Variants in RC3H1 observed in about 807,000 individuals in gnomAD.
RC3H1 encodes roquin-1.
RC3H1 carries 50 observed loss-of-function variants against 138.2 expected under a neutral mutation model. That is an observed-to-expected ratio of 0.36 (90% CI 0.29 to 0.46). RC3H1 has a LOEUF of 0.46. Ranked by LOEUF, RC3H1 falls within the 20% of genes least tolerant of loss-of-function variation. The probability of loss-of-function intolerance (pLI) is 1.00; values close to 1 mark genes in which losing one functional copy is unlikely to be tolerated. For missense variants in RC3H1, 1,031 were observed against 1,388.1 expected, an observed-to-expected ratio of 0.74 and a Z score of 4.09; for synonymous variants, 462 against 489.1, an observed-to-expected ratio of 0.94 and a Z score of 0.73.
chr1:173,977,065 GGC>G (rs1660617584), intron 7 of RC3H1, among the ~76,000 whole-genome samples: 1 of 152,056 alleles, frequency 6.6e-6, no homozygotes, highest in African/African-American at 2.4e-5. Flanking sequence ...TGGGACTACA[GGC>G]GCCCGCCACC....
intron 1 of RC3H1, among the ~76,000 whole-genome samples, chr1:174,013,735 A>C (rs1049063939): frequency 4.6e-5 from 7 of 151,778 alleles, no homozygotes; most frequent in African/African-American, 1.7e-4. Context: ...GCTCAGCCAC[A>C]ATGGAATATT....
At chr1:173,994,022 GAAA>G (rs372280833) in intron 1 of RC3H1, among the ~76,000 whole-genome samples, 68 of 46,954 alleles carry the variant, frequency 1.4e-3, no homozygotes, top group African/African-American at 4.9e-3. Flanking sequence ...CTCCATCTCA[GAAA>G]AAAAAAAAAA....
rs1371557246 is a variant in RC3H1 at position 173,964,877 on chromosome 1, A to C, written c.1578T>G (p.Asp526Glu). The stretch of plus-strand genomic sequence containing the variant: ...ATCCAGGAGCACTACTGCTCAGATG[A>C]TCTATTTTTCCTGGTTTCAGACTAG... Reference protein sequence around the residue: ...YDSSLKPGKIDHLSSSAPGSP... With the variant: ...YDSSLKPGKIEHLSSSAPGSP... The change falls in exon 10 of 20, where the codon GAT (aspartate) becomes GAG (glutamate). Residue 526 changes from aspartate to glutamate, a missense_variant. Asp to Glu is a conservative substitution (Grantham distance 45). Transcript: ENST00000367696. The C allele has an allele frequency of 6.2e-7, 1 of 1,614,004 alleles. No homozygotes were observed. Among genetic ancestry groups the C allele is most frequent in the African/African-American group, 1.3e-5 (1 of 74,918 alleles).
Position 173,941,253 on chromosome 1 carries a change from C to T in RC3H1, c.3251+12G>A, listed in dbSNP as rs779971267. ...TAATTTAATATGGCTACGACAATCT[C>T]CTTTTCTTTACCTGAATGTCAATGT... On this transcript the variant is annotated intron_variant, in intron 19 of 19. Transcript: ENST00000367696. 4 of 1,529,826 alleles carry T rather than the reference C, an allele frequency of 2.6e-6. No homozygotes were observed. In the Admixed American group the frequency reaches 5.0e-5, roughly 19 times the overall value. The allele number at this position is 1,529,826 out of a possible 1,614,324, so 94.8% of individuals were successfully genotyped here. A position where few individuals can be genotyped will look rare whatever the true frequency, so the allele number is the denominator to read the frequency against.
intron 18 of RC3H1, 119 bp downstream of exon 18, chr1:173,943,323 T>C: frequency 1.1e-6 from 1 of 909,394 alleles, no homozygotes; most frequent in African/African-American, 1.7e-5. Flanking sequence ...AGAATTATTT[T>C]AAATATTAAC....
In RC3H1 at chr1:173,981,778, A is replaced by T. The variant is rs1400551516; in HGVS notation, c.769-769T>A. On this transcript the variant is annotated intron_variant, in intron 5 of 19. Transcript: ENST00000367696. ...TGTGAGATGCTAGACTAGAATAATCATAATGATTATGATTAGAAGGCTGGA... is the reference window on the plus strand; with the variant it reads ...TGTGAGATGCTAGACTAGAATAATCTTAATGATTATGATTAGAAGGCTGGA... Among the ~76,000 whole-genome samples, 4 of 152,154 alleles carry T rather than the reference A, an allele frequency of 2.6e-5. No individual in the cohort carries two copies. The East Asian group carries it at 5.8e-4, about 22-fold the overall frequency.
chr1:174,000,921 C>T (rs780024973), intron 1 of RC3H1, among the ~76,000 whole-genome samples: 1 of 151,966 alleles, frequency 6.6e-6, no homozygotes, highest in Non-Finnish European at 1.5e-5. Flanking sequence ...GAACAAAGAC[C>T]CAGTTTTGAT....
intron 4 of RC3H1, 96 bp from the exon 5 acceptor site, chr1:173,982,998 T>G: frequency 9.0e-7 from 1 of 1,116,480 alleles, no homozygotes. Flanking sequence ...CTGCAGCTAT[T>G]CAATTAACTG....
chr1:174,010,314 T>G (rs988275488), intron 1 of RC3H1, among the ~76,000 whole-genome samples: 2 of 151,968 alleles, frequency 1.3e-5, no homozygotes, highest in African/African-American at 4.9e-5. Flanking sequence ...GAGCATCTAC[T>G]ACGTGCCAGT....
intron 9 of RC3H1, among the ~76,000 whole-genome samples, chr1:173,965,933 G>A (rs1660098346): frequency 6.6e-6 from 1 of 152,174 alleles, no homozygotes; most frequent in Non-Finnish European, 1.5e-5. Context: ...TTGAGCTCAG[G>A]AGTTTGAGAC....
chr1:173,946,411 G>A, intron 17 of RC3H1, 65 bp downstream of exon 17: 2 of 1,499,128 alleles, frequency 1.3e-6, no homozygotes, highest in South Asian at 1.3e-5. Flanking sequence ...TGCCTCAAAA[G>A]TTCCTATTTA....
intron 2 of RC3H1, among the ~76,000 whole-genome samples, chr1:173,986,998 A>T (rs943704498): frequency 1.3e-5 from 2 of 152,006 alleles, no homozygotes; most frequent in African/African-American, 4.8e-5. Context: ...AGGATCTGTC[A>T]TTTTTCTCAT....
At chr1:173,992,647 C>G in intron 2 of RC3H1, 108 bp downstream of exon 2, 1 of 797,018 alleles carries the variant, frequency 1.3e-6, no homozygotes, top group South Asian at 1.8e-5. Context: ...CAACAGGTTT[C>G]TCTCAGGAGA....
chr1:173,942,660 G>A (rs1314206098), intron 18 of RC3H1, among the ~76,000 whole-genome samples: 1 of 151,384 alleles, frequency 6.6e-6, no homozygotes, highest in Non-Finnish European at 1.5e-5. Flanking sequence ...GTGAAACCCC[G>A]TCTCTACTAA....
chr1:173,982,894 C>T lies in RC3H1; in HGVS notation c.601G>A (p.Glu201Lys). Residue 201 changes from glutamate to lysine, a missense_variant, in exon 5 of 20, where the codon GAG (glutamate) becomes AAG (lysine). Transcript: ENST00000367696. ...GCQFLGPAMQ[E>K]EALKLVLLAL... ...AGCAGAACCAACTTTAAAGCTTCCT[C>T]CTGCATTGCTAGGGAAAGTTGGGCA... 6.2e-7 allele frequency: 1 copy of T among 1,605,774 alleles called. No individual in the cohort carries two copies. The highest frequency in any genetic ancestry group is 2.2e-5 in the East Asian group (1 of 44,546).
chr1:173,963,918 G>T, intron 11 of RC3H1, 55 bp downstream of exon 11: 1 of 1,426,104 alleles, frequency 7.0e-7, no homozygotes, highest in Non-Finnish European at 9.8e-7. Context: ...CTGACCTGAA[G>T]AACAGTTCTG....
intron 1 of RC3H1, among the ~76,000 whole-genome samples, chr1:174,010,850 T>C (rs1382524253): frequency 6.6e-6 from 1 of 152,182 alleles, no homozygotes; most frequent in African/African-American, 2.4e-5. Flanking sequence ...GATATTCAAA[T>C]GGCAATAAGC....
At chr1:173,976,984 G>A (rs1269967118) in intron 7 of RC3H1, among the ~76,000 whole-genome samples, 1 of 149,164 alleles carries the variant, frequency 6.7e-6, no homozygotes, top group East Asian at 2.0e-4. Flanking sequence ...GTGCAGTGGT[G>A]CAGTCTCGGC....
chr1:173,991,394 T>C (rs983327967), intron 2 of RC3H1, among the ~76,000 whole-genome samples: 2 of 152,240 alleles, frequency 1.3e-5, no homozygotes, highest in African/African-American at 2.4e-5. Context: ...TTTCTATATA[T>C]AAGACCATGT....
Sources: allele counts gnomAD v4.1 joint callset (sites outside exome capture counted in the v4.1 genomes callset), GRCh38; gene constraint gnomAD v4.1.1; transcripts MANE v1.5; gene names NCBI Gene and HGNC (gene_info 2026-07-23, HGNC 2026-07-21).